ATP8A1: variants seen among roughly 807,000 people sequenced by gnomAD.
ATP8A1 encodes the protein phospholipid-transporting ATPase IA.
Under a neutral mutation model 177.7 loss-of-function variants are expected in ATP8A1, and 90 were observed. The observed-to-expected ratio is 0.51, with a 90% CI of 0.43 to 0.60. The LOEUF (loss-of-function observed/expected upper bound fraction) is 0.60. Among genes scored for constraint, ATP8A1 ranks in the 20% least tolerant of loss-of-function variants. ATP8A1 has a pLI of 0.00. For missense variants in ATP8A1, 1,072 were observed against 1,392.8 expected (o/e 0.77, Z 3.67); for synonymous variants, 493 against 485.9 (o/e 1.01, Z -0.19).
At chr4:42,581,232 C>T (rs1733015686) in intron 10 of ATP8A1, among the ~76,000 whole-genome samples, 1 of 152,004 alleles carries the variant, frequency 6.6e-6, no homozygotes, top group Non-Finnish European at 1.5e-5. Context: ...CTCCTGGATT[C>T]ACGCCATTCT....
intron 25 of ATP8A1, among the ~76,000 whole-genome samples, chr4:42,466,287 A>T (rs1056553335): frequency 1.4e-4 from 21 of 152,248 alleles, no homozygotes; most frequent in African/African-American, 4.6e-4. Flanking sequence ...GGCATAGATG[A>T]CTAATAATAA....
chr4:42,550,172 A>C (rs1178161173), intron 18 of ATP8A1, among the ~76,000 whole-genome samples: 2 of 150,254 alleles, frequency 1.3e-5, no homozygotes, highest in African/African-American at 4.9e-5. Flanking sequence ...TGAAATTAAA[A>C]AGGATGCACT....
chr4:42,456,667 A>G (rs1718524121), intron 27 of ATP8A1, among the ~76,000 whole-genome samples: 1 of 152,182 alleles, frequency 6.6e-6, no homozygotes, highest in Non-Finnish European at 1.5e-5. Flanking sequence ...CAAATATCAA[A>G]TGGATCTGGG....
At chr4:42,512,442 T>G (rs1725099815) in intron 22 of ATP8A1, among the ~76,000 whole-genome samples, 1 of 152,194 alleles carries the variant, frequency 6.6e-6, no homozygotes, top group African/African-American at 2.4e-5. Flanking sequence ...CAAGCACACA[T>G]GCATGCCTGC....
chr4:42,564,195 G>T (rs1343865379), intron 15 of ATP8A1, among the ~76,000 whole-genome samples: 1 of 152,200 alleles, frequency 6.6e-6, no homozygotes, highest in African/African-American at 2.4e-5. Flanking sequence ...TGCTATAGGG[G>T]TGGGTCCCTC....
At chr4:42,509,279 A>C (rs1417301364) in intron 22 of ATP8A1, among the ~76,000 whole-genome samples, 2 of 152,236 alleles carry the variant, frequency 1.3e-5, no homozygotes, top group Admixed American at 1.3e-4. Context: ...AGCCCTCAGC[A>C]TATTTCCAAA....
intron 30 of ATP8A1, among the ~76,000 whole-genome samples, chr4:42,450,513 A>G (rs1327013933): frequency 6.6e-6 from 1 of 152,244 alleles, no homozygotes; most frequent in Admixed American, 6.5e-5. Flanking sequence ...AGCAAGCAAC[A>G]AACTAACTCA....
intron 8 of ATP8A1, 35 bp from the exon 9 acceptor site, chr4:42,586,511 T>C: frequency 1.9e-6 from 3 of 1,601,920 alleles, no homozygotes; most frequent in Non-Finnish European, 2.6e-6. Context: ...AAAAGTATAT[T>C]AAATAAGTTG....
intron 23 of ATP8A1, among the ~76,000 whole-genome samples, chr4:42,504,005 G>A (rs536765168): frequency 6.6e-6 from 1 of 152,248 alleles, no homozygotes; most frequent in East Asian, 1.9e-4. Context: ...ACTTACTGCA[G>A]GGCAAAAATC....
intron 22 of ATP8A1, among the ~76,000 whole-genome samples, chr4:42,518,880 C>A (rs1038705251): frequency 6.6e-6 from 1 of 152,190 alleles, no homozygotes; most frequent in African/African-American, 2.4e-5. Context: ...AAACTTGCCT[C>A]ACTAGAGTGG....
At chr4:42,608,362 C>CTTTTTT (rs1736028102) in intron 5 of ATP8A1, among the ~76,000 whole-genome samples, 5 of 117,962 alleles carry the variant, frequency 4.2e-5, no homozygotes, top group South Asian at 2.9e-4. Context: ...GCAATAATAT[C>CTTTTTT]ATTTTTTTTT....
intron 1 of ATP8A1, among the ~76,000 whole-genome samples, chr4:42,649,070 A>C (rs984114227): frequency 6.6e-6 from 1 of 152,196 alleles, no homozygotes; most frequent in African/African-American, 2.4e-5. Context: ...GAACAAAACC[A>C]TCAGAAAGGT....
intron 35 of ATP8A1, 46 bp downstream of exon 35, chr4:42,422,761 A>C (rs1457043109): frequency 6.8e-7 from 1 of 1,470,892 alleles, no homozygotes; most frequent in Non-Finnish European, 9.5e-7. Context: ...GTACAAGATA[A>C]ATTTAAAGTT....
chr4:42,509,237 A>G (rs868701066), intron 22 of ATP8A1, among the ~76,000 whole-genome samples: 2 of 152,226 alleles, frequency 1.3e-5, no homozygotes, highest in Admixed American at 6.5e-5. Context: ...AACTGTATCT[A>G]TCTCTTACAT....
At chr4:42,603,148 A>G (rs1415522984) in intron 5 of ATP8A1, among the ~76,000 whole-genome samples, 3 of 152,198 alleles carry the variant, frequency 2.0e-5, no homozygotes, top group African/African-American at 7.2e-5. Context: ...CAGGATGAAT[A>G]AGCTCCAGAG....
intron 7 of ATP8A1, among the ~76,000 whole-genome samples, chr4:42,588,955 T>C (rs1733893982): frequency 6.6e-6 from 1 of 152,252 alleles, no homozygotes; most frequent in African/African-American, 2.4e-5. Context: ...TTAAAGTTGC[T>C]TGAGAGATTC....
chr4:42,479,996 T>TG (rs1721493242), intron 25 of ATP8A1, among the ~76,000 whole-genome samples: 1 of 135,590 alleles, frequency 7.4e-6, no homozygotes, highest in Non-Finnish European at 1.6e-5. Flanking sequence ...GCAGTTCTGC[T>TG]TGTGTGTGTG....
chr4:42,598,039 T>C (rs1462315100), intron 6 of ATP8A1, among the ~76,000 whole-genome samples: 2 of 152,160 alleles, frequency 1.3e-5, no homozygotes, highest in Non-Finnish European at 2.9e-5. Flanking sequence ...ATAGCCTGCC[T>C]ACTTATTTGT....
chr4:42,471,735 A>C, intron 25 of ATP8A1: 1 of 366,290 alleles, frequency 2.7e-6, no homozygotes, highest in South Asian at 2.4e-5. Flanking sequence ...TGAACCTAGC[A>C]CTGTACTCAG....
Sources: gnomAD v4.1 joint callset for allele counts (sites outside exome capture counted in the v4.1 genomes callset) on GRCh38, gnomAD v4.1.1 for gene constraint, MANE v1.5 for transcripts, NCBI Gene and HGNC (gene_info 2026-07-23, HGNC 2026-07-21) for gene names.